Variants in MPHOSPH9 observed in about 807,000 individuals in gnomAD.
The protein encoded by MPHOSPH9 is M-phase phosphoprotein 9.
Under a neutral mutation model 145.5 loss-of-function variants are expected in MPHOSPH9, and 88 were observed. The ratio of observed to expected loss-of-function variants is 0.60; its 90% CI spans 0.51 to 0.72. MPHOSPH9 has a LOEUF of 0.72. Among genes scored for constraint, MPHOSPH9 ranks in the 30% least tolerant of loss-of-function variants. MPHOSPH9 has a pLI of 0.00. For synonymous variants in MPHOSPH9, 435 were observed against 486.2 expected (o/e 0.89, Z 1.39); for missense variants, 1,238 against 1,386.6 (o/e 0.89, Z 1.70).
At chr12:123,194,323 A>G (rs2138254239) in intron 13 of MPHOSPH9, 63 bp downstream of exon 13, 1 of 918,088 alleles carries the variant, frequency 1.1e-6, no homozygotes, top group Admixed American at 2.9e-5. Flanking sequence ...CACTTGTAAG[A>G]GTATAATACC....
At chr12:123,228,066 C>G (rs1481657206) in intron 2 of MPHOSPH9, among the ~76,000 whole-genome samples, 14 of 152,136 alleles carry the variant, frequency 9.2e-5, no homozygotes, top group African/African-American at 3.4e-4. Flanking sequence ...TAAGCTGATG[C>G]TTATCTCTGC....
chr12:123,164,040 T>C lies in MPHOSPH9; in HGVS notation c.2818A>G (p.Lys940Glu), dbSNP rs992217308. ...CTCTTTTGTCTCTGTTGGGCACACT[T>C]TTCTGGAGAACGACTTGCATTAACT... ...TSVNASRSPE[K>E]CAQQRQKRLN... The change falls in exon 19 of 24, where the codon AAG (lysine) becomes GAG (glutamate). Residue 940 changes from lysine (K) to glutamate (E), a missense_variant. By Grantham distance (56) the Lys-to-Glu change is moderately conservative. This residue lies in a region of MPHOSPH9 where 393 missense variants were observed against 462.5 expected (regional missense o/e 0.85). Transcript: ENST00000606320. 26 of 1,614,056 alleles carry C rather than the reference T, an allele frequency of 1.6e-5. No homozygotes were observed. Among genetic ancestry groups the C allele is most frequent in the Non-Finnish European group, 2.0e-5 (24 of 1,180,042 alleles).
intron 1 of MPHOSPH9, among the ~76,000 whole-genome samples, chr12:123,238,306 G>A (rs1307559719): frequency 2.0e-5 from 3 of 152,150 alleles, no homozygotes; most frequent in Non-Finnish European, 4.4e-5. Context: ...TTTCAAAGCA[G>A]CAACATTGCA....
chr12:123,176,822 C>T (rs2044889750), intron 15 of MPHOSPH9, 33 bp from the exon 16 acceptor site: 2 of 1,499,210 alleles, frequency 1.3e-6, no homozygotes, highest in Non-Finnish European at 1.9e-6. Flanking sequence ...AAATTAAGTA[C>T]ATTTCAACAA....
In MPHOSPH9 at chr12:123,202,715, AG is replaced by A. The variant is rs748722441; in HGVS notation, c.1689del (p.Ser564GlnfsTer20). On this transcript the variant is annotated frameshift_variant, in exon 10 of 24. Transcript: ENST00000606320. LOFTEE classifies it high-confidence loss of function. ...DEENTVMVASASVSQSQLPGT... is the reference protein window; with the variant it reads ...DEENTVMVASXSVSQSQLPGT... ...CCTGGAAGCTGGGACTGACTGACTG[AG>A]GCCGAAGCAACCATGACAGTGTTTT... The A allele has an allele frequency of 6.2e-7, 1 of 1,614,214 alleles. No individual in the cohort carries two copies. The highest frequency in any genetic ancestry group is 8.5e-7 in the Non-Finnish European group (1 of 1,180,038).
chr12:123,227,970 C>T (rs1205789350), intron 2 of MPHOSPH9, among the ~76,000 whole-genome samples: 1 of 152,196 alleles, frequency 6.6e-6, no homozygotes, highest in East Asian at 1.9e-4. Context: ...TTCAGAACAG[C>T]CCTTCATTGT....
At chr12:123,169,374 C>A (rs750774626) in intron 16 of MPHOSPH9, among the ~76,000 whole-genome samples, 10 of 151,446 alleles carry the variant, frequency 6.6e-5, no homozygotes, top group Middle Eastern at 6.8e-3. Context: ...TGACGGGCAC[C>A]TGTAGTCCCA....
chr12:123,170,739 T>TA (rs1238782272), intron 16 of MPHOSPH9, among the ~76,000 whole-genome samples: 1 of 152,238 alleles, frequency 6.6e-6, no homozygotes, highest in South Asian at 2.1e-4. Context: ...TCGACAATGC[T>TA]AAAATTAACA....
At chr12:123,194,227 C>A (rs2045842698) in intron 13 of MPHOSPH9, among the ~76,000 whole-genome samples, 159 bp downstream of exon 13, 1 of 152,064 alleles carries the variant, frequency 6.6e-6, no homozygotes, top group Non-Finnish European at 1.5e-5. Flanking sequence ...TGAGCTCCTG[C>A]CACTGCACTC....
At chr12:123,170,667 T>C (rs951652577) in intron 16 of MPHOSPH9, among the ~76,000 whole-genome samples, 2 of 152,350 alleles carry the variant, frequency 1.3e-5, no homozygotes, top group African/African-American at 2.4e-5. Context: ...CATTTACCCA[T>C]AGTATGAATA....
rs146743015 is a variant in MPHOSPH9 at position 123,190,634 on chromosome 12, C to CAGGATATAT, written c.2241+3743_2241+3751dup. ...TTGAAAGGGAAAAACCAGGTTGCAGCAGGATATATGCAATGCAATACAATT... is the reference window on the plus strand; with the variant it reads ...TTGAAAGGGAAAAACCAGGTTGCAGCAGGATATATAGGATATATGCAATGCAATACAATT... On this transcript the variant is annotated intron_variant, in intron 13 of 23. Transcript: ENST00000606320. 6.3e-3 allele frequency among the ~76,000 whole-genome samples: 964 copies of CAGGATATAT among 152,232 alleles called. 12 individuals carry two copies. Among genetic ancestry groups the CAGGATATAT allele is most frequent in the African/African-American group, 0.022 (930 of 41,510 alleles).
intron 16 of MPHOSPH9, among the ~76,000 whole-genome samples, chr12:123,176,092 A>G (rs2044850236): frequency 6.6e-6 from 1 of 152,028 alleles, no homozygotes. Flanking sequence ...ATTTAAAATC[A>G]TTTTTCTAAT....
intron 8 of MPHOSPH9, among the ~76,000 whole-genome samples, chr12:123,207,484 T>C (rs933160653): frequency 3.3e-5 from 5 of 152,214 alleles, no homozygotes; most frequent in Non-Finnish European, 7.3e-5. Context: ...GTATATGTCA[T>C]TCATTTTTAT....
At chr12:123,179,539 C>T (rs1031090720) in intron 15 of MPHOSPH9, among the ~76,000 whole-genome samples, 1 of 151,976 alleles carries the variant, frequency 6.6e-6, no homozygotes, top group East Asian at 1.9e-4. Context: ...TGTGCCACTG[C>T]ACTCCAGCCT....
In MPHOSPH9 at chr12:123,230,317, A is replaced by G; in HGVS notation, c.48T>C (p.Ser16=). 1 of 1,534,486 alleles carries G rather than the reference A, an allele frequency of 6.5e-7. No individual in the cohort carries two copies. The highest frequency in any genetic ancestry group is 2.0e-5 in the Admixed American group (1 of 50,912). The change falls in exon 2 of 24, where the codon TCT becomes TCC. Residue 16 remains serine (S), a synonymous_variant. Transcript: ENST00000606320. ...GAAGAGAATTTTCATCAGATCCTAC[A>G]GAAGATGAAGTTTTGTGTAAGGTTT... is the stretch of plus-strand genomic sequence containing the variant. ...LVKTLHKTSS[S]VGSDENSLHS...
intron 13 of MPHOSPH9, among the ~76,000 whole-genome samples, chr12:123,190,317 T>C (rs1283184701): frequency 6.6e-6 from 1 of 151,934 alleles, no homozygotes; most frequent in Non-Finnish European, 1.5e-5. Flanking sequence ...CACGCCCAAC[T>C]AATTTTTTGT....
At chr12:123,178,441 T>C (rs1202703390) in intron 15 of MPHOSPH9, among the ~76,000 whole-genome samples, 1 of 152,238 alleles carries the variant, frequency 6.6e-6, no homozygotes, top group Non-Finnish European at 1.5e-5. Context: ...CAGTAAAATG[T>C]CTAAATAAGG....
At chr12:123,182,748 C>T (rs188804804) in intron 13 of MPHOSPH9, among the ~76,000 whole-genome samples, 5 of 149,094 alleles carry the variant, frequency 3.4e-5, no homozygotes, top group African/African-American at 9.9e-5. Flanking sequence ...CTTGTCTCTA[C>T]TAAAAATACA....
At chr12:123,224,130 ATTTTTTTT>A (rs1156810609) in intron 3 of MPHOSPH9, among the ~76,000 whole-genome samples, 1 of 81,036 alleles carries the variant, frequency 1.2e-5, no homozygotes, top group Non-Finnish European at 2.5e-5. Context: ...ATATATACAC[ATTTTTTTT>A]TTTTTTTTTT....
Sources: gnomAD v4.1 joint callset for allele counts (sites outside exome capture counted in the v4.1 genomes callset) on GRCh38, gnomAD v4.1.1 for gene constraint, gnomAD v4.1.1 regional missense constraint, MANE v1.5 for transcripts, NCBI Gene and HGNC (gene_info 2026-07-23, HGNC 2026-07-21) for gene names.